RSPH14: variants seen among roughly 807,000 people sequenced by gnomAD.
RSPH14 encodes rhabdoid tumor deletion region gene 1.
In RSPH14, 20 loss-of-function variants were observed where a neutral mutation model predicts 26.7. The observed-to-expected ratio is 0.75, with a 90% CI of 0.53 to 1.09. The LOEUF is 1.09. Among genes scored for constraint, RSPH14 ranks in the 50% least tolerant of loss-of-function variants. The pLI, the probability that RSPH14 is intolerant of heterozygous loss-of-function variation, is 0.00. For synonymous variants in RSPH14, 177 were observed against 189.3 expected, an observed-to-expected ratio of 0.93 and a Z score of 0.53; for missense variants, 449 against 457.2, an observed-to-expected ratio of 0.98 and a Z score of 0.16.
At chr22:23,138,670 A>G (rs760626491) in intron 3 of RSPH14, among the ~76,000 whole-genome samples, 170 bp downstream of exon 3, 30 of 152,210 alleles carry the variant, frequency 2.0e-4, no homozygotes, top group Admixed American at 3.3e-4. Context: ...ATCCACACAG[A>G]GGCAACCAAA....
chr22:23,176,581 C>T, the RSPH14 span, among the ~76,000 whole-genome samples: 11 of 152,198 alleles, frequency 7.2e-5, no homozygotes, highest in African/African-American at 2.7e-4. Flanking sequence ...GTCGCCCCCA[C>T]GGCCTGGTGT....
upstream of RSPH14, chr22:23,146,024 C>T: frequency 1.0e-6 from 1 of 984,946 alleles, no homozygotes; most frequent in Non-Finnish European, 1.2e-6. Flanking sequence ...CCTCACAGCC[C>T]AGTAAGGTAA....
intron 4 of RSPH14, among the ~76,000 whole-genome samples, chr22:23,132,401 G>A (rs1441421559): frequency 2.0e-5 from 3 of 152,138 alleles, no homozygotes; most frequent in Non-Finnish European, 2.9e-5. Flanking sequence ...CCGTGGTATC[G>A]GGTAGCTGTT....
At chr22:23,083,953 TG>T (rs772881709) in intron 4 of RSPH14, among the ~76,000 whole-genome samples, 61 of 151,916 alleles carry the variant, frequency 4.0e-4, no homozygotes, top group Non-Finnish European at 5.3e-4. Flanking sequence ...TTCAGCCAGG[TG>T]GGGTGGAACA....
the RSPH14 span, chr22:23,180,560 G>A: frequency 1.4e-5 from 2 of 146,068 alleles, no homozygotes; most frequent in Non-Finnish European, 2.4e-5. Context: ...GCTGAGCTTA[G>A]CGTCCGAGGA....
At chr22:23,161,588 C>T in the RSPH14 span, 52 of 1,564,174 alleles carry the variant, frequency 3.3e-5, no homozygotes, top group East Asian at 9.0e-5. Flanking sequence ...GGAAGGCCTC[C>T]GCTCCCTGCA....
chr22:23,091,559 C>T (rs1216919617), intron 4 of RSPH14, among the ~76,000 whole-genome samples: 1 of 151,738 alleles, frequency 6.6e-6, no homozygotes, highest in African/African-American at 2.4e-5. Flanking sequence ...GCTATGCATA[C>T]ATGCACACGC....
chr22:23,093,187 T>C (rs1020230934), intron 4 of RSPH14, among the ~76,000 whole-genome samples: 1 of 152,210 alleles, frequency 6.6e-6, no homozygotes, highest in Non-Finnish European at 1.5e-5. Flanking sequence ...AAGGCTTCCA[T>C]TCTCAGATGT....
intron 4 of RSPH14, among the ~76,000 whole-genome samples, chr22:23,107,733 C>T (rs1403858101): frequency 2.0e-5 from 3 of 152,144 alleles, no homozygotes; most frequent in Admixed American, 6.5e-5. Flanking sequence ...GGGGGTTGGC[C>T]GCAGGGTGTG....
intron 4 of RSPH14, among the ~76,000 whole-genome samples, chr22:23,083,910 G>A (rs2146281108): frequency 6.6e-6 from 1 of 152,344 alleles, no homozygotes; most frequent in South Asian, 2.1e-4. Context: ...CATCAGAGAA[G>A]GAGGTTCTCC....
chr22:23,082,066 A>G (rs1045665607), intron 4 of RSPH14, among the ~76,000 whole-genome samples: 6 of 147,920 alleles, frequency 4.1e-5, no homozygotes, highest in Non-Finnish European at 9.0e-5. Context: ...CGGAGCTTGC[A>G]GTGAGCCGAG....
chr22:23,172,778 A>ATG, the RSPH14 span, among the ~76,000 whole-genome samples: 1 of 150,972 alleles, frequency 6.6e-6, no homozygotes, highest in Non-Finnish European at 1.5e-5. Context: ...GTGAAACCCC[A>ATG]TCTCTACTAA....
At chr22:23,168,397 G>A in the RSPH14 span, among the ~76,000 whole-genome samples, 9 of 152,194 alleles carry the variant, frequency 5.9e-5, no homozygotes, top group Non-Finnish European at 7.3e-5. Context: ...CATGTGGGGG[G>A]TTTCAGAGGA....
rs1265977208 is a variant in RSPH14, at chr22:23,136,130, C to T, written c.303-1986G>A. Reference sequence around the variant, plus strand: ...TCCTTGGTCCGTGTCTAGTCACCCACTCCATGTCTCTCATGCTTTGATAGT... The same window carrying T: ...TCCTTGGTCCGTGTCTAGTCACCCATTCCATGTCTCTCATGCTTTGATAGT... On this transcript the variant is annotated intron_variant, in intron 3 of 6. Coordinates refer to ENST00000216036, the MANE Select transcript of RSPH14 (RefSeq NM_014433.3). 1.3e-5 allele frequency: 8 copies of T among 630,602 alleles called. No homozygotes were observed. The East Asian group carries it at 2.2e-4, about 18-fold the overall frequency. 39.1% of individuals were successfully genotyped at this position (630,602 alleles called of 1,614,324 possible).
At chr22:23,096,161 T>C in intron 4 of RSPH14, 1 of 1,613,222 alleles carries the variant, frequency 6.2e-7, no homozygotes, top group East Asian at 2.2e-5. Flanking sequence ...CGCGGCCTAC[T>C]ACCTGAACGA....
intron 4 of RSPH14, among the ~76,000 whole-genome samples, chr22:23,079,822 A>G (rs1277225544): frequency 1.3e-5 from 2 of 152,158 alleles, no homozygotes; most frequent in African/African-American, 4.8e-5. Context: ...TGCCAGCCTC[A>G]GTTCTCAAGG....
chr22:23,079,463 G>C (rs956400118), intron 4 of RSPH14, among the ~76,000 whole-genome samples: 2 of 152,188 alleles, frequency 1.3e-5, no homozygotes, highest in Non-Finnish European at 2.9e-5. Flanking sequence ...AGGAGTGGGG[G>C]AGGGGGAGCA....
chr22:23,167,555 CT>C, the RSPH14 span, among the ~76,000 whole-genome samples: 1 of 152,188 alleles, frequency 6.6e-6, no homozygotes, highest in African/African-American at 2.4e-5. Flanking sequence ...GGATGGACCA[CT>C]GTCAGACAAA....
At position 23,130,107 on chromosome 22, in the gene RSPH14, G is replaced by GAA. The variant is rs1244843727; in HGVS notation, c.421+3917_421+3918dup. On this transcript the variant is annotated intron_variant, in intron 4 of 6. Transcript: ENST00000216036. ...AGGAAGAAAGAAAGAAAGAAAGAAA[G>GAA]AAAGAAAGAAAGAAAGAAAGAAAGA... Among the ~76,000 whole-genome samples the GAA allele has an allele frequency of 1.3e-4, 11 of 86,054 alleles. No homozygotes were observed. The East Asian group carries it at 1.8e-3, about 14-fold the overall frequency. The allele number at this position is 86,054 out of a possible 152,430, so 56.5% of individuals were successfully genotyped here. A position where few individuals can be genotyped will look rare whatever the true frequency, so the allele number is the denominator to read the frequency against.
Sources: gnomAD v4.1 joint callset for allele counts (sites outside exome capture counted in the v4.1 genomes callset) on GRCh38, gnomAD v4.1.1 for gene constraint, MANE v1.5 for transcripts, NCBI Gene and HGNC (gene_info 2026-07-23, HGNC 2026-07-21) for gene names.